Variants in CMC1 observed in about 807,000 individuals in gnomAD.
CMC1 encodes COX assembly mitochondrial protein homolog.
In CMC1, 14 loss-of-function variants were observed where a neutral mutation model predicts 14.1. The ratio of observed to expected loss-of-function variants is 0.99; its 90% CI spans 0.66 to 1.55. CMC1 has a LOEUF of 1.55. Ranked by LOEUF, CMC1 falls within the 40% of genes most tolerant of loss-of-function variation. CMC1 has a pLI of 0.00. For synonymous variants in CMC1, 50 were observed against 38.4 expected, an observed-to-expected ratio of 1.30 and a Z score of -1.12; for missense variants, 127 against 123.8, an observed-to-expected ratio of 1.03 and a Z score of -0.12.
rs570382422 is a variant in CMC1, at chr3:28,280,456, G to A, written c.109+17076G>A. ...GAACTCTTATCACATGCATGATGAA[G>A]TATTTCTGGGTAAGAAAACATATGT... is the stretch of plus-strand genomic sequence containing the variant. On this transcript the variant is annotated intron_variant, in intron 2 of 3. Transcript: ENST00000466830. 2.5e-3 allele frequency among the ~76,000 whole-genome samples: 387 copies of A among 152,206 alleles called. 2 individuals carry two copies. Among genetic ancestry groups the A allele is most frequent in the African/African-American group, 8.8e-3 (365 of 41,520 alleles).
intron 2 of CMC1, among the ~76,000 whole-genome samples, chr3:28,264,105 TA>T (rs374053492): frequency 8.5e-5 from 13 of 152,294 alleles, no homozygotes; most frequent in African/African-American, 2.9e-4. Flanking sequence ...GAAATATCTT[TA>T]AAAAATTCTG....
intron 2 of CMC1, among the ~76,000 whole-genome samples, chr3:28,300,243 T>G (rs947402170): frequency 1.3e-5 from 2 of 152,314 alleles, no homozygotes; most frequent in South Asian, 2.1e-4. Flanking sequence ...CGTTTTACAC[T>G]GGAATACTGT....
intron 2 of CMC1, among the ~76,000 whole-genome samples, chr3:28,267,709 G>A (rs1700078864): frequency 6.6e-6 from 1 of 152,170 alleles, no homozygotes; most frequent in Admixed American, 6.5e-5. Context: ...ACACAGAACT[G>A]AAGTATGTTG....
intron 2 of CMC1, among the ~76,000 whole-genome samples, chr3:28,269,257 G>T (rs1268261972): frequency 6.6e-6 from 1 of 152,104 alleles, no homozygotes; most frequent in African/African-American, 2.4e-5. Context: ...TGATCCAGTG[G>T]TTCTCAATTG....
intron 2 of CMC1, among the ~76,000 whole-genome samples, chr3:28,309,343 A>C (rs73822578): frequency 0.054 from 8,229 of 151,996 alleles, 697 homozygotes; most frequent in African/African-American, 0.18. Flanking sequence ...AAACAGAACA[A>C]ATTCATATGC....
At chr3:28,279,543 G>C (rs1018742617) in intron 2 of CMC1, among the ~76,000 whole-genome samples, 21 of 134,426 alleles carry the variant, frequency 1.6e-4, no homozygotes, top group Admixed American at 1.6e-4. Context: ...TAAAGCAGCT[G>C]TTGTAATTGC....
At chr3:28,255,540 C>T (rs1293484673) in intron 1 of CMC1, among the ~76,000 whole-genome samples, 1 of 151,938 alleles carries the variant, frequency 6.6e-6, no homozygotes, top group African/African-American at 2.4e-5. Flanking sequence ...ACCACTGTGC[C>T]CGGCCTGTTT....
chr3:28,267,674 G>C (rs1235287818), intron 2 of CMC1, among the ~76,000 whole-genome samples: 1 of 152,202 alleles, frequency 6.6e-6, no homozygotes, highest in African/African-American at 2.4e-5. Context: ...AAAGAAGCTT[G>C]ATAAAATGCG....
intron 2 of CMC1, among the ~76,000 whole-genome samples, chr3:28,264,802 C>T (rs1468230669): frequency 6.6e-6 from 1 of 152,090 alleles, no homozygotes; most frequent in Non-Finnish European, 1.5e-5. Flanking sequence ...ACTGATATAT[C>T]AGTCTAAAGT....
rs1340054946 is a variant in CMC1, at chr3:28,244,443, A to C, written c.19+2631A>C. ...ATAAGGATGGTGAGAGAAAGGGAGGAAACAGTGGGCACCGTGGCTCATGCC... is the reference window on the plus strand; with the variant it reads ...ATAAGGATGGTGAGAGAAAGGGAGGCAACAGTGGGCACCGTGGCTCATGCC... On this transcript the variant is annotated intron_variant, in intron 1 of 3. Coordinates refer to ENST00000466830, the MANE Select transcript of CMC1 (RefSeq NM_182523.2). 5.3e-5 allele frequency among the ~76,000 whole-genome samples: 8 copies of C among 152,082 alleles called. No homozygotes were observed. In the East Asian group the frequency reaches 1.5e-3, roughly 29 times the overall value.
At position 28,286,701 on chromosome 3, in the gene CMC1, G is replaced by A. The variant is rs1047522520; in HGVS notation, c.109+23321G>A. ...TTTTGTATTAGAGGAAAAGTTCCAA[G>A]ATATAAGGAAGTAGGTCATGGTATC... is the stretch of plus-strand genomic sequence containing the variant. On this transcript the variant is annotated intron_variant, in intron 2 of 3. Coordinates refer to ENST00000466830, the MANE Select transcript of CMC1 (RefSeq NM_182523.2). 2.0e-5 allele frequency among the ~76,000 whole-genome samples: 3 copies of A among 152,124 alleles called. No individual in the cohort carries two copies. The East Asian group carries it at 5.8e-4, about 29-fold the overall frequency.
At chr3:28,269,305 G>T (rs1402531211) in intron 2 of CMC1, among the ~76,000 whole-genome samples, 1 of 152,138 alleles carries the variant, frequency 6.6e-6, no homozygotes, top group Admixed American at 6.5e-5. Flanking sequence ...AGACTCAATA[G>T]CTTATTATGA....
At chr3:28,300,904 C>G (rs1009286989) in intron 2 of CMC1, among the ~76,000 whole-genome samples, 2 of 151,268 alleles carry the variant, frequency 1.3e-5, no homozygotes, top group Non-Finnish European at 2.9e-5. Context: ...CCATTATGTA[C>G]TTGCAGACAT....
intron 2 of CMC1, chr3:28,292,875 T>C (rs1221596430): frequency 6.6e-6 from 1 of 152,214 alleles, no homozygotes; most frequent in Non-Finnish European, 1.5e-5. Flanking sequence ...TTCATCAAAT[T>C]GTTGATTCAC....
At chr3:28,259,906 A>G (rs1011851632) in intron 1 of CMC1, among the ~76,000 whole-genome samples, 8 of 151,912 alleles carry the variant, frequency 5.3e-5, no homozygotes, top group African/African-American at 1.9e-4. Flanking sequence ...TTCTTTTTTT[A>G]TAGGGAAAGC....
intron 2 of CMC1, among the ~76,000 whole-genome samples, chr3:28,275,734 T>C (rs978643602): frequency 1.1e-4 from 16 of 152,134 alleles, no homozygotes; most frequent in African/African-American, 3.9e-4. Context: ...TCTGCTGATA[T>C]GAGGAGATCG....
At chr3:28,291,363 CT>C (rs922198058) in intron 2 of CMC1, among the ~76,000 whole-genome samples, 8 of 151,988 alleles carry the variant, frequency 5.3e-5, no homozygotes, top group African/African-American at 9.7e-5. Context: ...TTGCATTAAC[CT>C]TTTTTTCCCC....
At chr3:28,285,866 A>T (rs1442737083) in intron 2 of CMC1, among the ~76,000 whole-genome samples, 3 of 150,848 alleles carry the variant, frequency 2.0e-5, no homozygotes, top group African/African-American at 7.3e-5. Context: ...TCCTGGGTTC[A>T]CGCCATTCTC....
rs199591519 is a variant in CMC1 at position 28,253,791 on chromosome 3, A to T, written c.20-9500A>T. The T allele has an allele frequency of 7.9e-5, 93 of 1,176,022 alleles. 1 individual carries two copies. The highest frequency in any genetic ancestry group is 8.5e-5 in the Non-Finnish European group (75 of 886,658). 72.8% of individuals were successfully genotyped at this position (1,176,022 alleles called of 1,614,324 possible). ...GTAAGTGTTAACTAGTAAATTTTTT[A>T]AAAAATGGCATTACCTAAGTAAGTA... On this transcript the variant is annotated intron_variant, in intron 1 of 3. Transcript: ENST00000466830.
Sources: allele counts gnomAD v4.1 joint callset (sites outside exome capture counted in the v4.1 genomes callset), GRCh38; gene constraint gnomAD v4.1.1; transcripts MANE v1.5; gene names NCBI Gene and HGNC (gene_info 2026-07-23, HGNC 2026-07-21).